RNF38: variants seen among roughly 807,000 people sequenced by gnomAD.
RNF38 encodes ring finger protein 38.
In RNF38, 15 loss-of-function variants were observed where a neutral mutation model predicts 67.2. The ratio of observed to expected loss-of-function variants is 0.22; its 90% CI spans 0.15 to 0.34. The LOEUF is 0.34. RNF38 is among the 10% of genes least tolerant of loss of function. The probability of loss-of-function intolerance (pLI) is 1.00; values close to 1 mark genes in which losing one functional copy is unlikely to be tolerated. For missense variants in RNF38, 524 were observed against 639.9 expected (o/e 0.82, Z 1.95); for synonymous variants, 220 against 218.8 (o/e 1.01, Z -0.05).
At chr9:36,465,198 C>G (rs184556946) in intron 1 of RNF38, among the ~76,000 whole-genome samples, 7 of 152,210 alleles carry the variant, frequency 4.6e-5, no homozygotes, top group Non-Finnish European at 1.0e-4. Flanking sequence ...AAAAACAGCA[C>G]GGCAGTTCCT....
At chr9:36,378,612 C>T (rs1321172057) in intron 2 of RNF38, among the ~76,000 whole-genome samples, 1 of 152,160 alleles carries the variant, frequency 6.6e-6, no homozygotes, top group East Asian at 1.9e-4. Flanking sequence ...TCTAAAAATT[C>T]ACTACCTAAA....
upstream of RNF38, chr9:36,400,888 G>A (rs2134156232): frequency 3.1e-6 from 3 of 953,814 alleles, no homozygotes; most frequent in East Asian, 1.3e-4. Flanking sequence ...GGCCCGGCCC[G>A]GCCACGCCCC....
At chr9:36,357,198 GAA>G (rs1167829909) in intron 5 of RNF38, among the ~76,000 whole-genome samples, 2 of 151,398 alleles carry the variant, frequency 1.3e-5, no homozygotes, top group African/African-American at 2.4e-5. Context: ...TCAGAGGCAA[GAA>G]AAAAAAAGTT....
chr9:36,480,259 G>A (rs1257002902), intron 1 of RNF38, among the ~76,000 whole-genome samples: 2 of 152,058 alleles, frequency 1.3e-5, no homozygotes, highest in African/African-American at 2.4e-5. Context: ...GATTACAGAC[G>A]TGAGCCACTG....
chr9:36,367,388 T>A (rs1448885870), intron 4 of RNF38, among the ~76,000 whole-genome samples: 1 of 152,194 alleles, frequency 6.6e-6, no homozygotes, highest in Non-Finnish European at 1.5e-5. Flanking sequence ...GACCTTCTAA[T>A]AAGAAATGAT....
In RNF38 at chr9:36,473,483, G is replaced by C. The variant is rs184543914; in HGVS notation, n.241+13825C>G. Among the ~76,000 whole-genome samples, 8 of 152,252 alleles carry C rather than the reference G, an allele frequency of 5.3e-5. No homozygotes were observed. In the East Asian group the frequency reaches 1.5e-3, roughly 29 times the overall value. On this transcript the variant is annotated intron_variant and non_coding_transcript_variant, in intron 1 of 3. Coordinates refer to the RNF38 transcript ENST00000488058. ...CGCACCTGTAATCCCAGCTACTTGGGAGGCTGAGGCAGGAGAATTGCTTGA... is the reference window on the plus strand; with the variant it reads ...CGCACCTGTAATCCCAGCTACTTGGCAGGCTGAGGCAGGAGAATTGCTTGA...
chr9:36,451,495 T>G (rs1472117469), intron 1 of RNF38, among the ~76,000 whole-genome samples: 1 of 133,622 alleles, frequency 7.5e-6, no homozygotes. Context: ...GTAGTAGTTT[T>G]TTTTTTTTTT....
rs1450560911 is a variant in RNF38, at chr9:36,352,812, G to A, written c.1108C>T (p.Arg370Cys). Residue 370 changes from arginine to cysteine, a missense_variant, in exon 8 of 12, where the codon CGT becomes TGT. Physicochemically the swap from Arg to Cys is radical, Grantham distance 180. Coordinates refer to ENST00000259605, the MANE Select transcript of RNF38 (RefSeq NM_022781.5). ...PPFMPRRLTG[R>C]SRYRSQQPIP... ...GGCTGCTGGGATCGGTATCTACTACGTCCTGTAAGCCTCCGAGGCATAAAT... is the reference window on the plus strand; with the variant it reads ...GGCTGCTGGGATCGGTATCTACTACATCCTGTAAGCCTCCGAGGCATAAAT... 3 of 1,613,922 alleles carry A rather than the reference G, an allele frequency of 1.9e-6. No individual in the cohort carries two copies. Among genetic ancestry groups the A allele is most frequent in the East Asian group, 2.2e-5 (1 of 44,872 alleles).
At chr9:36,377,861 A>G (rs1835898291) in intron 2 of RNF38, among the ~76,000 whole-genome samples, 2 of 152,110 alleles carry the variant, frequency 1.3e-5, no homozygotes, top group African/African-American at 4.8e-5. Flanking sequence ...GTATTGTTGT[A>G]TTGTTACTTT....
At chr9:36,343,092 T>C (rs1024761213) in intron 10 of RNF38, among the ~76,000 whole-genome samples, 2 of 152,244 alleles carry the variant, frequency 1.3e-5, no homozygotes, top group African/African-American at 4.8e-5. Context: ...GTTGTTATAC[T>C]GTATTGTTCT....
At chr9:36,473,772 G>T (rs1330459959) in intron 1 of RNF38, among the ~76,000 whole-genome samples, 1 of 150,898 alleles carries the variant, frequency 6.6e-6, no homozygotes, top group African/African-American at 2.4e-5. Context: ...GGATCACAAG[G>T]TCAGGAGTTC....
chr9:36,428,476 C>T lies in RNF38; in HGVS notation n.242-3793G>A, dbSNP rs115618310. ...TTACATATATATATATATATATATA[C>T]ACGTATAAATTCAATTTCCCCTGCT... is the stretch of plus-strand genomic sequence containing the variant. On this transcript the variant is annotated intron_variant and non_coding_transcript_variant, in intron 1 of 3. Coordinates refer to the RNF38 transcript ENST00000488058. Among the ~76,000 whole-genome samples, 798 of 145,216 alleles carry T rather than the reference C, an allele frequency of 5.5e-3. 7 individuals carry two copies. The highest frequency in any genetic ancestry group is 0.02 in the African/African-American group (758 of 38,644).
chr9:36,361,233 C>T (rs1834511495), intron 4 of RNF38, among the ~76,000 whole-genome samples: 1 of 151,768 alleles, frequency 6.6e-6, no homozygotes, highest in Admixed American at 6.6e-5. Context: ...CTCACTGCAA[C>T]CTCTGCCTCC....
At chr9:36,412,313 T>C (rs959388311) in intron 2 of RNF38, among the ~76,000 whole-genome samples, 1 of 152,236 alleles carries the variant, frequency 6.6e-6, no homozygotes, top group Non-Finnish European at 1.5e-5. Context: ...AAATGTTCTT[T>C]CCATGACCCT....
chr9:36,350,197 G>T (rs533951764), intron 9 of RNF38, among the ~76,000 whole-genome samples: 1 of 152,292 alleles, frequency 6.6e-6, no homozygotes, highest in South Asian at 2.1e-4. Flanking sequence ...GTTGACTGTT[G>T]TGTTCCTTTC....
At position 36,342,188 on chromosome 9, in the gene RNF38, A is replaced by C. The variant is rs560772550; in HGVS notation, c.1485+137T>G. The stretch of plus-strand genomic sequence containing the variant: ...AGTTAATTTTTACTGGCCTTTTCTC[A>C]TTTGCAGAGATCATACTGAAAGCTG... On this transcript the variant is annotated intron_variant, in intron 11 of 11. Transcript: ENST00000259605. 1.1e-3 allele frequency: 618 copies of C among 541,464 alleles called. 4 individuals are homozygous for C. Among genetic ancestry groups the C allele is most frequent in the Admixed American group, 1.9e-3 (61 of 32,214 alleles). The allele number at this position is 541,464 out of a possible 1,614,324, so 33.5% of individuals were successfully genotyped here. A position where few individuals can be genotyped will look rare whatever the true frequency, so the allele number is the denominator to read the frequency against.
intron 3 of RNF38, among the ~76,000 whole-genome samples, chr9:36,373,691 T>A (rs1587540601): frequency 6.6e-6 from 1 of 151,596 alleles, no homozygotes; most frequent in African/African-American, 2.4e-5. Context: ...CCCAGGCTGG[T>A]CTCGAACTCT....
intron 1 of RNF38, among the ~76,000 whole-genome samples, chr9:36,430,731 CG>C (rs1838911128): frequency 6.6e-6 from 1 of 151,926 alleles, no homozygotes; most frequent in Admixed American, 6.6e-5. Context: ...ATGAGGACTT[CG>C]GGCGGCGGGG....
chr9:36,373,132 GGGAGGT>G, intron 3 of RNF38, among the ~76,000 whole-genome samples: 1 of 152,226 alleles, frequency 6.6e-6, no homozygotes, highest in Middle Eastern at 3.4e-3. Flanking sequence ...ACTTGAATGT[GGGAGGT>G]GGAGGTTGCA....
Sources: allele counts gnomAD v4.1 joint callset (sites outside exome capture counted in the v4.1 genomes callset), GRCh38; gene constraint gnomAD v4.1.1; transcripts MANE v1.5; gene names NCBI Gene and HGNC (gene_info 2026-07-23, HGNC 2026-07-21).